SEMA3D: variants seen among roughly 807,000 people sequenced by gnomAD.
SEMA3D encodes semaphorin 3D, also known as semaphorin-3D.
A neutral mutation model predicts 100.1 loss-of-function variants in SEMA3D; 84 were observed. That is an observed-to-expected ratio of 0.84 (90% CI 0.70 to 1.01). SEMA3D has a LOEUF of 1.01. Ranked by LOEUF, SEMA3D falls within the 50% of genes least tolerant of loss-of-function variation. The probability of loss-of-function intolerance (pLI) is 0.00; values close to 1 mark genes in which losing one functional copy is unlikely to be tolerated. For synonymous variants in SEMA3D, 312 were observed against 320.7 expected, an observed-to-expected ratio of 0.97 and a Z score of 0.29; for missense variants, 875 against 934.1, an observed-to-expected ratio of 0.94 and a Z score of 0.82.
intron 1 of SEMA3D, among the ~76,000 whole-genome samples, chr7:85,164,265 C>T (rs551903303): frequency 6.8e-4 from 103 of 152,168 alleles, no homozygotes; most frequent in Non-Finnish European, 1.3e-3. Flanking sequence ...TATAATGATA[C>T]CACCTATCAC....
intron 5 of SEMA3D, among the ~76,000 whole-genome samples, chr7:85,080,727 G>A (rs763282958): frequency 2.0e-5 from 3 of 152,130 alleles, no homozygotes; most frequent in Non-Finnish European, 4.4e-5. Context: ...CGGATGAGGA[G>A]AGGAGCCAGT....
intron 17 of SEMA3D, among the ~76,000 whole-genome samples, chr7:85,012,043 C>G (rs574145423): frequency 6.6e-6 from 1 of 151,600 alleles, no homozygotes; most frequent in Non-Finnish European, 1.5e-5. Context: ...GGAATACATA[C>G]TTTTATAGAT....
intron 14 of SEMA3D, among the ~76,000 whole-genome samples, chr7:85,019,054 AT>A (rs1562784986): frequency 6.6e-6 from 1 of 151,726 alleles, no homozygotes; most frequent in African/African-American, 2.4e-5. Context: ...ATCAAATAGC[AT>A]TTTTGTTATC....
intron 2 of SEMA3D, among the ~76,000 whole-genome samples, chr7:85,134,751 G>A (rs2116444084): frequency 6.6e-6 from 1 of 152,002 alleles, no homozygotes; most frequent in South Asian, 2.1e-4. Flanking sequence ...TGCTTCACCA[G>A]CCCACTTCTT....
chr7:85,202,162 C>T, the SEMA3D span, among the ~76,000 whole-genome samples: 2 of 149,848 alleles, frequency 1.3e-5, no homozygotes, highest in Non-Finnish European at 3.0e-5. Context: ...CACCCACTAA[C>T]TCGTCATCTA....
chr7:85,214,014 G>A, the SEMA3D span, among the ~76,000 whole-genome samples: 1 of 152,038 alleles, frequency 6.6e-6, no homozygotes, highest in African/African-American at 2.4e-5. Flanking sequence ...ACCATCTGTG[G>A]TTATGGTAAT....
At chr7:85,226,682 A>ATT in the SEMA3D span, among the ~76,000 whole-genome samples, 2 of 147,600 alleles carry the variant, frequency 1.4e-5, no homozygotes, top group African/African-American at 5.0e-5. Flanking sequence ...TAAGATGAGG[A>ATT]TTTTTTTTTT....
chr7:85,188,607 T>C (rs1791626161), upstream of SEMA3D, among the ~76,000 whole-genome samples: 1 of 152,228 alleles, frequency 6.6e-6, no homozygotes, highest in South Asian at 2.1e-4. Context: ...ATGGTGGGTT[T>C]ATAGTAAGTA....
chr7:85,039,505 C>T lies in SEMA3D; in HGVS notation c.1046+1168G>A, dbSNP rs527751643. ...AATTCCTGACCTCAGATGATCCACC[C>T]GCCTTGGTCTCCCAAAGTACTGGGA... On this transcript the variant is annotated intron_variant, in intron 11 of 18. Transcript: ENST00000284136. 9.9e-5 allele frequency among the ~76,000 whole-genome samples: 15 copies of T among 152,252 alleles called. No individual in the cohort carries two copies. The South Asian group carries it at 3.1e-3, about 32-fold the overall frequency.
chr7:85,116,401 TAC>T (rs1789247789), intron 3 of SEMA3D, among the ~76,000 whole-genome samples: 1 of 147,054 alleles, frequency 6.8e-6, no homozygotes, highest in Non-Finnish European at 1.5e-5. Flanking sequence ...CATAAATATA[TAC>T]ATATACAATT....
chr7:85,052,152 T>G (rs975445467), intron 9 of SEMA3D, among the ~76,000 whole-genome samples: 28 of 152,000 alleles, frequency 1.8e-4, no homozygotes, highest in Non-Finnish European at 3.7e-4. Context: ...TTACTCTTAG[T>G]GCTTATCTCT....
At chr7:85,111,287 T>C (rs2116365928) in intron 3 of SEMA3D, among the ~76,000 whole-genome samples, 1 of 152,218 alleles carries the variant, frequency 6.6e-6, no homozygotes, top group South Asian at 2.1e-4. Context: ...TTCAGGGTTA[T>C]ATATGTACTC....
intron 12 of SEMA3D, among the ~76,000 whole-genome samples, chr7:85,030,266 T>C (rs1439972549): frequency 3.3e-5 from 5 of 151,640 alleles, no homozygotes; most frequent in Non-Finnish European, 5.9e-5. Flanking sequence ...GTGTTTGAGC[T>C]ATTAATAAAA....
At chr7:85,134,450 G>A (rs1299124868) in intron 2 of SEMA3D, among the ~76,000 whole-genome samples, 1 of 151,868 alleles carries the variant, frequency 6.6e-6, no homozygotes, top group East Asian at 1.9e-4. Flanking sequence ...CTTTTTTAGA[G>A]TATTCAAAAC....
Position 85,083,279 on chromosome 7 carries a change from G to T in SEMA3D, c.313-1700C>A, listed in dbSNP as rs114136980. ...GATTCTAGCATTTGTGCTTGAGGGT[G>T]CATTTTTCACGTGTTTAACAACATA... is the stretch of plus-strand genomic sequence containing the variant. On this transcript the variant is annotated intron_variant, in intron 4 of 18. Coordinates refer to ENST00000284136, the MANE Select transcript of SEMA3D (RefSeq NM_001384900.1). Among the ~76,000 whole-genome samples, 741 of 152,192 alleles carry T rather than the reference G, an allele frequency of 4.9e-3. 8 individuals carry two copies. Among genetic ancestry groups the T allele is most frequent in the African/African-American group, 0.017 (712 of 41,530 alleles).
chr7:85,069,282 T>C (rs1300586002), intron 6 of SEMA3D, among the ~76,000 whole-genome samples: 1 of 152,226 alleles, frequency 6.6e-6, no homozygotes, highest in Non-Finnish European at 1.5e-5. Context: ...TTCAGATCTT[T>C]GTTTTTCTTT....
chr7:85,139,402 A>G (rs916129101), intron 2 of SEMA3D, among the ~76,000 whole-genome samples: 3 of 152,100 alleles, frequency 2.0e-5, no homozygotes, highest in African/African-American at 7.2e-5. Context: ...ATTCAAATAG[A>G]TATATACATT....
At chr7:85,153,916 T>TAG (rs1790506502) in intron 1 of SEMA3D, among the ~76,000 whole-genome samples, 177 bp from the exon 2 acceptor site, 3 of 152,198 alleles carry the variant, frequency 2.0e-5, no homozygotes, top group African/African-American at 7.2e-5. Context: ...CTTTTTGTTC[T>TAG]ATTAGGTCTT....
intron 2 of SEMA3D, among the ~76,000 whole-genome samples, chr7:85,130,697 A>G (rs570208491): frequency 2.0e-5 from 3 of 152,330 alleles, no homozygotes; most frequent in African/African-American, 7.2e-5. Flanking sequence ...TAAAACAAAT[A>G]TATAAGTTTT....
Sources: gnomAD v4.1 joint callset for allele counts (sites outside exome capture counted in the v4.1 genomes callset) on GRCh38, gnomAD v4.1.1 for gene constraint, MANE v1.5 for transcripts, NCBI Gene and HGNC (gene_info 2026-07-23, HGNC 2026-07-21) for gene names.